GAS2: variants seen among roughly 807,000 people sequenced by gnomAD.
GAS2 encodes growth arrest specific 2.
In GAS2, 20 loss-of-function variants were observed where a neutral mutation model predicts 37.5. The observed-to-expected ratio is 0.53, with a 90% confidence interval of 0.37 to 0.77. The LOEUF (loss-of-function observed/expected upper bound fraction) is 0.77, where lower values mean the gene tolerates loss of function less well. Ranked by LOEUF, GAS2 falls within the 30% of genes least tolerant of loss-of-function variation. The pLI, the probability that GAS2 is intolerant of heterozygous loss-of-function variation, is 0.00. For missense variants in GAS2, 336 were observed against 373.4 expected, an observed-to-expected ratio of 0.90 and a Z score of 0.82; for synonymous variants, 144 against 132.2, an observed-to-expected ratio of 1.09 and a Z score of -0.61.
At chr11:22,730,453 C>G (rs1432682522) in intron 4 of GAS2, among the ~76,000 whole-genome samples, 1 of 151,724 alleles carries the variant, frequency 6.6e-6, no homozygotes, top group Non-Finnish European at 1.5e-5. Flanking sequence ...TGTATCATAA[C>G]AAAGGTTTTT....
intron 7 of GAS2, among the ~76,000 whole-genome samples, chr11:22,766,611 A>G (rs935833987): frequency 6.6e-6 from 1 of 152,214 alleles, no homozygotes; most frequent in African/African-American, 2.4e-5. Context: ...GAGTCAAAAA[A>G]CAAAAAAGCA....
chr11:22,660,868 G>A (rs1427535648), intron 1 of GAS2, among the ~76,000 whole-genome samples: 3 of 152,174 alleles, frequency 2.0e-5, no homozygotes, highest in Admixed American at 2.0e-4. Flanking sequence ...TTGGAGTACT[G>A]CCCTTTTATA....
chr11:22,727,737 A>T (rs1852282888), intron 4 of GAS2, among the ~76,000 whole-genome samples: 1 of 152,016 alleles, frequency 6.6e-6, no homozygotes, highest in South Asian at 2.1e-4. Context: ...CTCATATCAA[A>T]GTAAAAAAAT....
chr11:22,734,577 T>C (rs1195039139), intron 4 of GAS2, among the ~76,000 whole-genome samples: 1 of 151,730 alleles, frequency 6.6e-6, no homozygotes, highest in African/African-American at 2.4e-5. Context: ...ATTAATCGAC[T>C]AAACCAAATA....
chr11:22,789,587 G>A (rs536981243), intron 7 of GAS2, among the ~76,000 whole-genome samples: 178 of 142,908 alleles, frequency 1.2e-3, no homozygotes, highest in Non-Finnish European at 1.4e-3. Flanking sequence ...TCAGCCTCCC[G>A]AGTAGCTGGG....
chr11:22,654,907 G>T (rs1848838273), intron 1 of GAS2, among the ~76,000 whole-genome samples: 1 of 152,100 alleles, frequency 6.6e-6, no homozygotes, highest in Admixed American at 6.6e-5. Flanking sequence ...ATTAGAAAAT[G>T]AAAATTTTCA....
chr11:22,626,562 G>A (rs1005481496), intron 1 of GAS2: 1 of 152,628 alleles, frequency 6.6e-6, no homozygotes, highest in Non-Finnish European at 1.5e-5. Context: ...AATAAAAACC[G>A]TGACAAGAGA....
intron 7 of GAS2, among the ~76,000 whole-genome samples, chr11:22,794,243 A>G (rs931500577): frequency 7.2e-5 from 11 of 152,044 alleles, no homozygotes; most frequent in Non-Finnish European, 1.5e-4. Flanking sequence ...AAATACATAT[A>G]CATTGTTAAT....
intron 5 of GAS2, among the ~76,000 whole-genome samples, chr11:22,738,285 A>T (rs112456159): frequency 6.6e-6 from 1 of 152,244 alleles, no homozygotes; most frequent in African/African-American, 2.4e-5. Context: ...ATAGAATGTT[A>T]TCCTTATGTA....
chr11:22,787,215 C>T lies in GAS2; in HGVS notation c.724-24583C>T, dbSNP rs113754313. Among the ~76,000 whole-genome samples, 703 of 152,194 alleles carry T rather than the reference C, an allele frequency of 4.6e-3. 5 individuals are homozygous for T. The highest frequency in any genetic ancestry group is 0.016 in the African/African-American group (669 of 41,538). ...TTTTCTGAAATGTATGACGTAAATC[C>T]AGGCTCTGTAGCTATTTATGCTGTG... On this transcript the variant is annotated intron_variant, in intron 7 of 7. Coordinates refer to ENST00000454584, the MANE Select transcript of GAS2 (RefSeq NM_001143830.3).
chr11:22,720,148 G>T (rs981766635), intron 3 of GAS2, among the ~76,000 whole-genome samples: 1 of 152,026 alleles, frequency 6.6e-6, no homozygotes, highest in Non-Finnish European at 1.5e-5. Context: ...TCTGCTCTGA[G>T]AAACTTGTTT....
At chr11:22,701,392 C>T (rs2134025716) in intron 3 of GAS2, among the ~76,000 whole-genome samples, 1 of 152,128 alleles carries the variant, frequency 6.6e-6, no homozygotes, top group African/African-American at 2.4e-5. Flanking sequence ...GTGCATTTGT[C>T]TTCATGGTGA....
intron 1 of GAS2, among the ~76,000 whole-genome samples, chr11:22,658,535 C>A (rs897375426): frequency 1.3e-5 from 2 of 152,246 alleles, no homozygotes; most frequent in Non-Finnish European, 2.9e-5. Context: ...TAAATGGCAG[C>A]ATAATTTTTG....
At chr11:22,626,044 G>A in intron 1 of GAS2, 2 of 572,380 alleles carry the variant, frequency 3.5e-6, no homozygotes, top group South Asian at 2.0e-5. Context: ...CAGATGTAGG[G>A]CATCCTACCG....
intron 7 of GAS2, among the ~76,000 whole-genome samples, chr11:22,808,129 A>G (rs556416769): frequency 1.3e-5 from 2 of 152,336 alleles, no homozygotes; most frequent in Non-Finnish European, 2.9e-5. Context: ...AAAATGAGAA[A>G]ACAGCAAATA....
upstream of GAS2, among the ~76,000 whole-genome samples, chr11:22,663,567 G>A (rs886710851): frequency 5.3e-5 from 8 of 151,926 alleles, no homozygotes; most frequent in African/African-American, 1.9e-4. Context: ...TGCACAGGAG[G>A]GAATTAATAT....
At chr11:22,773,917 A>G (rs979212652) in intron 7 of GAS2, among the ~76,000 whole-genome samples, 1 of 152,202 alleles carries the variant, frequency 6.6e-6, no homozygotes, top group Non-Finnish European at 1.5e-5. Flanking sequence ...CGATATATGT[A>G]ATGTGCTTCC....
chr11:22,707,131 T>C (rs1409973126), intron 3 of GAS2, among the ~76,000 whole-genome samples: 1 of 152,158 alleles, frequency 6.6e-6, no homozygotes, highest in African/African-American at 2.4e-5. Context: ...TGGTGATAAA[T>C]TGTATAGAAT....
chr11:22,691,835 G>T (rs183211266), intron 3 of GAS2, among the ~76,000 whole-genome samples: 1,818 of 152,118 alleles, frequency 0.012, 37 homozygotes, highest in African/African-American at 0.042. Flanking sequence ...CTTTGTAATT[G>T]CTTCCTGAGG....
Sources: allele counts gnomAD v4.1 joint callset (sites outside exome capture counted in the v4.1 genomes callset), GRCh38; gene constraint gnomAD v4.1.1; transcripts MANE v1.5; gene names NCBI Gene and HGNC (gene_info 2026-07-23, HGNC 2026-07-21).